Variants in TRIM37 observed in about 807,000 individuals in gnomAD.
TRIM37 encodes the protein E3 ubiquitin-protein ligase TRIM37.
A neutral mutation model predicts 129.8 loss-of-function variants in TRIM37; 80 were observed. That is an observed-to-expected ratio of 0.62 (90% CI 0.51 to 0.74). The LOEUF is 0.74. Ranked by LOEUF, TRIM37 falls within the 30% of genes least tolerant of loss-of-function variation. TRIM37 has a pLI of 0.00. For missense variants in TRIM37, 1,054 were observed against 1,176.5 expected, an observed-to-expected ratio of 0.90 and a Z score of 1.52; for synonymous variants, 389 against 387.1, an observed-to-expected ratio of 1.00 and a Z score of -0.06.
the TRIM37 span, chr17:58,972,187 A>G: frequency 6.2e-7 from 1 of 1,614,092 alleles, no homozygotes; most frequent in Non-Finnish European, 8.5e-7. Context: ...AACATGCTAC[A>G]TGTGGCCTGG....
At chr17:59,021,585 C>G (rs574983740) in intron 19 of TRIM37, among the ~76,000 whole-genome samples, 5 of 152,156 alleles carry the variant, frequency 3.3e-5, no homozygotes, top group African/African-American at 1.2e-4. Context: ...ATTAAAACAA[C>G]TGAACTCAAG....
chr17:59,010,516 TAG>T (rs1357971648), intron 22 of TRIM37, among the ~76,000 whole-genome samples: 1 of 152,146 alleles, frequency 6.6e-6, no homozygotes, highest in Non-Finnish European at 1.5e-5. Flanking sequence ...TCATTTGAGA[TAG>T]AGTCTCACTC....
intron 7 of TRIM37, among the ~76,000 whole-genome samples, chr17:59,077,809 C>CAAA (rs36007655): frequency 0.014 from 967 of 71,026 alleles, 26 homozygotes; most frequent in Middle Eastern, 0.037. Context: ...GACTCCATCT[C>CAAA]AAAAAAAAAA....
intron 21 of TRIM37, among the ~76,000 whole-genome samples, chr17:59,012,667 A>T (rs1022790572): frequency 1.3e-5 from 2 of 152,064 alleles, no homozygotes; most frequent in Non-Finnish European, 2.9e-5. Context: ...CACCTGAGGT[A>T]GGAGTTCAAG....
At chr17:59,005,764 A>G (rs1248781813) in intron 22 of TRIM37, among the ~76,000 whole-genome samples, 2 of 152,248 alleles carry the variant, frequency 1.3e-5, no homozygotes, top group Non-Finnish European at 2.9e-5. Context: ...AAATGCCAAT[A>G]TAAGGATTTT....
At position 59,106,824 on chromosome 17, in the gene TRIM37, T is replaced by C; in HGVS notation, c.-363A>G. ...TCAGCGAAGAAGGTGCCGCAGAGAA[T>C]TCGCAAACACCAACCGTAACCAGAG... On this transcript the variant is annotated 5_prime_UTR_variant, in exon 1 of 24. Transcript: ENST00000262294. 4 of 457,756 alleles carry C rather than the reference T, an allele frequency of 8.7e-6. No homozygotes were observed. The South Asian group carries it at 9.5e-5, about 11-fold the overall frequency. 28.4% of individuals were successfully genotyped at this position (457,756 alleles called of 1,614,324 possible). A position where few individuals can be genotyped will look rare whatever the true frequency, so the allele number is the denominator to read the frequency against.
chr17:58,984,651 G>A (rs1031417200), intron 24 of TRIM37: 5 of 152,524 alleles, frequency 3.3e-5, no homozygotes, highest in African/African-American at 4.8e-5. Flanking sequence ...ATTCTGATCT[G>A]CAAATAGCTT....
At chr17:59,042,966 C>G (rs570362110) in intron 16 of TRIM37, among the ~76,000 whole-genome samples, 1 of 152,176 alleles carries the variant, frequency 6.6e-6, no homozygotes, top group Admixed American at 6.5e-5. Flanking sequence ...CTTCAGAGAA[C>G]TGGTAGCTTA....
chr17:59,097,361 T>C (rs2044999413), intron 2 of TRIM37, among the ~76,000 whole-genome samples: 1 of 152,172 alleles, frequency 6.6e-6, no homozygotes, highest in Non-Finnish European at 1.5e-5. Flanking sequence ...TTTTTGCAGA[T>C]GACATGATCT....
chr17:59,096,165 A>G (rs917851527), intron 2 of TRIM37, among the ~76,000 whole-genome samples: 6 of 152,202 alleles, frequency 3.9e-5, no homozygotes, highest in African/African-American at 1.4e-4. Context: ...TAAAGATTGT[A>G]TATATTAATT....
chr17:59,079,647 T>TA (rs2043098064), intron 7 of TRIM37, 107 bp downstream of exon 7: 1 of 1,452,316 alleles, frequency 6.9e-7, no homozygotes, highest in Admixed American at 1.7e-5. Flanking sequence ...TGGAGTTGCC[T>TA]AAAATCTCAA....
intron 2 of TRIM37, among the ~76,000 whole-genome samples, chr17:59,103,955 G>A (rs1414647532): frequency 6.6e-6 from 1 of 152,066 alleles, no homozygotes; most frequent in East Asian, 1.9e-4. Context: ...TTCATCTCTA[G>A]AGTGTCTTGT....
chr17:59,074,137 T>C (rs1358404225), intron 8 of TRIM37, among the ~76,000 whole-genome samples: 1 of 152,254 alleles, frequency 6.6e-6, no homozygotes, highest in Non-Finnish European at 1.5e-5. Flanking sequence ...ATTAATGCTT[T>C]GTGCTACTAC....
chr17:59,053,170 T>C, intron 13 of TRIM37, among the ~76,000 whole-genome samples: 1 of 152,198 alleles, frequency 6.6e-6, no homozygotes, highest in East Asian at 1.9e-4. Context: ...CTCTGCACAT[T>C]AGTTCTAATA....
chr17:58,968,444 A>G, the TRIM37 span, among the ~76,000 whole-genome samples: 1 of 152,174 alleles, frequency 6.6e-6, no homozygotes, highest in Non-Finnish European at 1.5e-5. Flanking sequence ...ATAAATAAAA[A>G]GAACTTTTTC....
chr17:58,983,625 A>AAAG (rs1369307156), intron 24 of TRIM37: 2 of 152,610 alleles, frequency 1.3e-5, no homozygotes, highest in African/African-American at 4.8e-5. Context: ...GACAGATATA[A>AAAG]AAGTATCTAT....
intron 18 of TRIM37, 130 bp from the exon 19 acceptor site, chr17:59,028,853 T>C: frequency 1.2e-6 from 1 of 848,178 alleles, no homozygotes; most frequent in Non-Finnish European, 1.9e-6. Context: ...CAATAAAACA[T>C]GCACTAAATT....
intron 18 of TRIM37, among the ~76,000 whole-genome samples, chr17:59,031,044 G>T (rs1252965146): frequency 6.6e-6 from 1 of 152,120 alleles, no homozygotes; most frequent in African/African-American, 2.4e-5. Flanking sequence ...AAGTATATCT[G>T]GCTCTTAGGA....
rs186251998 is a variant in TRIM37 at position 59,079,879 on chromosome 17, T to C, written c.493-2A>G. 3.1e-4 allele frequency: 504 copies of C among 1,613,746 alleles called. No individual in the cohort carries two copies. Among genetic ancestry groups the C allele is most frequent in the Non-Finnish European group, 1.2e-5 (14 of 1,179,786 alleles). ...TCTTACAGCTTCTACATTCCTTTCC[T>C]AGAAGATAAAGAGGTAAGAATAATT... On this transcript the variant is annotated splice_acceptor_variant, in intron 6 of 23. Transcript: ENST00000262294. LOFTEE classifies it high-confidence loss of function.
Sources: gnomAD v4.1 joint callset for allele counts (sites outside exome capture counted in the v4.1 genomes callset) on GRCh38, gnomAD v4.1.1 for gene constraint, MANE v1.5 for transcripts, NCBI Gene and HGNC (gene_info 2026-07-23, HGNC 2026-07-21) for gene names.